Variants in PDE4B observed in about 807,000 individuals in gnomAD.
PDE4B encodes the protein 3',5'-cyclic-AMP phosphodiesterase 4B.
PDE4B carries 20 observed loss-of-function variants against 82.2 expected under a neutral mutation model. The ratio of observed to expected loss-of-function variants is 0.24; its 90% confidence interval spans 0.17 to 0.35. The LOEUF (loss-of-function observed/expected upper bound fraction) is 0.35, where lower values mean the gene tolerates loss of function less well. PDE4B is among the 10% of genes least tolerant of loss of function. The probability of loss-of-function intolerance (pLI) is 1.00; values close to 1 mark genes in which losing one functional copy is unlikely to be tolerated. For missense variants in PDE4B, 655 were observed against 907.2 expected (o/e 0.72, Z 3.57); for synonymous variants, 320 against 318.9 (o/e 1.00, Z -0.04).
At chr1:66,197,337 A>G (rs1261169438) in intron 3 of PDE4B, among the ~76,000 whole-genome samples, 2 of 152,146 alleles carry the variant, frequency 1.3e-5, no homozygotes, top group African/African-American at 2.4e-5. Flanking sequence ...TTAGAGCCAT[A>G]TTCTTGGCTT....
intron 7 of PDE4B, among the ~76,000 whole-genome samples, chr1:66,308,214 A>G (rs979060407): frequency 6.6e-6 from 1 of 152,172 alleles, no homozygotes; most frequent in African/African-American, 2.4e-5. Context: ...AATTTCAGAA[A>G]TAGAGATGGA....
chr1:65,956,610 A>G (rs1225979352), intron 3 of PDE4B, among the ~76,000 whole-genome samples: 3 of 152,178 alleles, frequency 2.0e-5, no homozygotes, highest in Admixed American at 1.3e-4. Context: ...GCAATAACCT[A>G]GCAAACTTCC....
intron 3 of PDE4B, among the ~76,000 whole-genome samples, chr1:66,183,607 T>C (rs1296855660): frequency 2.0e-5 from 3 of 152,174 alleles, no homozygotes; most frequent in Non-Finnish European, 4.4e-5. Context: ...TTGCAAAGCA[T>C]TATCACTTTC....
Position 66,088,631 on chromosome 1 carries a change from C to G in PDE4B, c.282-158829C>G, listed in dbSNP as rs1289465627. The stretch of plus-strand genomic sequence containing the variant: ...CTTTTTAGACTAAGTGAAGTAGAAG[C>G]CTGTTAATTTATCTTTTTTCAATGT... On this transcript the variant is annotated intron_variant, in intron 3 of 16. Coordinates refer to ENST00000341517, the MANE Select transcript of PDE4B (RefSeq NM_002600.4). Among the ~76,000 whole-genome samples the G allele has an allele frequency of 5.3e-5, 8 of 151,954 alleles. No homozygotes were observed. The East Asian group carries it at 1.5e-3, about 29-fold the overall frequency.
chr1:66,291,244 A>T (rs1256942093), intron 7 of PDE4B, among the ~76,000 whole-genome samples: 2 of 152,094 alleles, frequency 1.3e-5, no homozygotes, highest in Admixed American at 1.3e-4. Context: ...CATACTACAG[A>T]TAAGAAAAGT....
chr1:65,988,168 C>T (rs1212087798), intron 3 of PDE4B, among the ~76,000 whole-genome samples: 1 of 152,158 alleles, frequency 6.6e-6, no homozygotes, highest in East Asian at 1.9e-4. Flanking sequence ...CCATATATGG[C>T]ACTCAGTAGG....
At chr1:65,940,141 T>TTTGA (rs1648363803) in intron 3 of PDE4B, among the ~76,000 whole-genome samples, 1 of 152,130 alleles carries the variant, frequency 6.6e-6, no homozygotes, top group Non-Finnish European at 1.5e-5. Context: ...AGAGGTGATG[T>TTTGA]TTGATTGATA....
chr1:66,234,440 C>A (rs1226773357), intron 3 of PDE4B, among the ~76,000 whole-genome samples: 1 of 152,124 alleles, frequency 6.6e-6, no homozygotes, highest in African/African-American at 2.4e-5. Context: ...AGGTGCATGC[C>A]ACTATATCTA....
chr1:65,876,560 T>C lies in PDE4B; in HGVS notation c.-70-36685T>C, dbSNP rs553663589. Among the ~76,000 whole-genome samples the C allele has an allele frequency of 2.8e-4, 42 of 152,260 alleles. No homozygotes were observed. In the South Asian group the frequency reaches 4.3e-3, roughly 16 times the overall value. On this transcript the variant is annotated intron_variant, in intron 1 of 16. Coordinates refer to ENST00000341517, the MANE Select transcript of PDE4B (RefSeq NM_002600.4). Reference sequence around the variant, plus strand: ...CTTTTTATATAGGTGTCAGTGAGTGTTTAAATTCTTCGGAGTTCTCATTAG... The same window carrying C: ...CTTTTTATATAGGTGTCAGTGAGTGCTTAAATTCTTCGGAGTTCTCATTAG...
intron 1 of PDE4B, among the ~76,000 whole-genome samples, chr1:65,853,246 A>C (rs1450476453): frequency 6.6e-6 from 1 of 152,054 alleles, no homozygotes; most frequent in Non-Finnish European, 1.5e-5. Flanking sequence ...TCATTTCCTT[A>C]TAATGTATCT....
chr1:66,162,889 C>T (rs971578382), intron 3 of PDE4B, among the ~76,000 whole-genome samples: 1 of 152,058 alleles, frequency 6.6e-6, no homozygotes, highest in African/African-American at 2.4e-5. Flanking sequence ...AATTAATTAT[C>T]AATTGTGTTT....
In PDE4B at chr1:66,363,493, C is replaced by T; in HGVS notation, c.1206C>T (p.Asp402=). 7.4e-6 allele frequency: 12 copies of T among 1,613,496 alleles called. No individual in the cohort carries two copies. The highest frequency in any genetic ancestry group is 8.5e-6 in the Non-Finnish European group (10 of 1,179,570). Residue 402 remains aspartate, a synonymous_variant, in exon 12 of 17, where the codon GAC becomes GAT. Coordinates refer to ENST00000341517, the MANE Select transcript of PDE4B (RefSeq NM_002600.4). ...CTTTAGAAGACCATTACCATTCTGA[C>T]GTGGCATATCACAACAGCCTGCACG... ...MMTLEDHYHS[D]VAYHNSLHAA...
At chr1:65,977,670 A>G (rs1650480483) in intron 3 of PDE4B, among the ~76,000 whole-genome samples, 2 of 152,228 alleles carry the variant, frequency 1.3e-5, no homozygotes, top group South Asian at 4.1e-4. Context: ...TCTTTCTTCC[A>G]TGAACTGTTG....
In PDE4B at chr1:66,257,662, G is replaced by C; in HGVS notation, c.492G>C (p.Leu164Phe). ...TTTTCACCAGACACGGCGATGACTT[G>C]ATTGTAACTCCTTTTGCCCAGGTAT... ...SLPSEQHGDD[L>F]IVTPFAQVLA... Residue 164 changes from leucine to phenylalanine, a missense_variant, in exon 5 of 17, where the codon TTG becomes TTC. Transcript: ENST00000341517. The C allele has an allele frequency of 6.2e-7, 1 of 1,613,756 alleles. No homozygotes were observed. The highest frequency in any genetic ancestry group is 2.2e-5 in the East Asian group (1 of 44,872).
chr1:66,178,178 T>G (rs1206266836), intron 3 of PDE4B, among the ~76,000 whole-genome samples: 1 of 151,984 alleles, frequency 6.6e-6, no homozygotes, highest in Non-Finnish European at 1.5e-5. Flanking sequence ...AAAAAAGAAG[T>G]CAAAATAAAC....
At chr1:66,285,104 CAAT>C (rs925574553) in intron 7 of PDE4B, among the ~76,000 whole-genome samples, 8 of 152,128 alleles carry the variant, frequency 5.3e-5, no homozygotes, top group African/African-American at 1.7e-4. Flanking sequence ...ATCACAACAA[CAAT>C]GTTTATTGAT....
intron 3 of PDE4B, among the ~76,000 whole-genome samples, chr1:66,185,303 G>A (rs182706313): frequency 6.6e-5 from 10 of 152,300 alleles, no homozygotes; most frequent in Admixed American, 2.6e-4. Flanking sequence ...ATAAACATAC[G>A]TGTGCATGTG....
intron 1 of PDE4B, among the ~76,000 whole-genome samples, chr1:65,877,431 C>T (rs774623233): frequency 2.4e-4 from 37 of 151,894 alleles, no homozygotes; most frequent in South Asian, 1.0e-3. Context: ...CTGGCTAACA[C>T]GGTGAAACTC....
intron 3 of PDE4B, among the ~76,000 whole-genome samples, chr1:66,122,633 T>C (rs1366909198): frequency 6.6e-6 from 1 of 151,876 alleles, no homozygotes; most frequent in Non-Finnish European, 1.5e-5. Context: ...TAGAGGAACA[T>C]GACATATTTT....
Sources: gnomAD v4.1 joint callset for allele counts (sites outside exome capture counted in the v4.1 genomes callset) on GRCh38, gnomAD v4.1.1 for gene constraint, MANE v1.5 for transcripts, NCBI Gene and HGNC (gene_info 2026-07-23, HGNC 2026-07-21) for gene names.